The following CYTH3 variants were observed in gnomAD, a reference collection of about 807,000 sequenced individuals.
The protein encoded by CYTH3 is cytohesin-3.
CYTH3 carries 23 observed loss-of-function variants against 55.1 expected under a neutral mutation model. The ratio of observed to expected loss-of-function variants is 0.42; its 90% CI spans 0.30 to 0.59. The LOEUF is 0.59. Ranked by LOEUF, CYTH3 falls within the 20% of genes least tolerant of loss-of-function variation. The pLI, the probability that CYTH3 is intolerant of heterozygous loss-of-function variation, is 0.20. For synonymous variants in CYTH3, 249 were observed against 194.9 expected, an observed-to-expected ratio of 1.28 and a Z score of -2.31; for missense variants, 413 against 524.8, an observed-to-expected ratio of 0.79 and a Z score of 2.08.
At position 6,164,591 on chromosome 7, in the gene CYTH3, G is replaced by C; in HGVS notation, c.*353C>G. On this transcript the variant is annotated 3_prime_UTR_variant, in exon 13 of 13. Coordinates refer to ENST00000350796, the MANE Select transcript of CYTH3 (RefSeq NM_004227.4). ...CCGTCCCGTGTCTGCTGTGGAGACAGCGGAAGCTGCTGTCCTGGCTTCTCC... is the reference window on the plus strand; with the variant it reads ...CCGTCCCGTGTCTGCTGTGGAGACACCGGAAGCTGCTGTCCTGGCTTCTCC... The C allele has an allele frequency of 3.1e-6, 1 of 319,574 alleles. No homozygotes were observed. Among genetic ancestry groups the C allele is most frequent in the Non-Finnish European group, 5.9e-6 (1 of 169,300 alleles). 19.8% of individuals were successfully genotyped at this position (319,574 alleles called of 1,614,324 possible).
At chr7:6,234,411 G>A (rs189230726) in intron 1 of CYTH3, among the ~76,000 whole-genome samples, 1 of 152,206 alleles carries the variant, frequency 6.6e-6, no homozygotes, top group African/African-American at 2.4e-5. Flanking sequence ...GCCTATTGGA[G>A]GAAAAGGAGA....
intron 1 of CYTH3, among the ~76,000 whole-genome samples, chr7:6,270,531 A>G (rs1398910967): frequency 6.6e-6 from 1 of 152,222 alleles, no homozygotes; most frequent in Non-Finnish European, 1.5e-5. Flanking sequence ...AAAAGAAAAT[A>G]AAATAATCCA....
At chr7:6,198,608 G>C (rs1413463126) in intron 1 of CYTH3, among the ~76,000 whole-genome samples, 1 of 152,130 alleles carries the variant, frequency 6.6e-6, no homozygotes, top group Non-Finnish European at 1.5e-5. Flanking sequence ...TTGTTACTTG[G>C]ACTCTGTTAG....
At chr7:6,227,457 T>TA (rs934241513) in intron 1 of CYTH3, among the ~76,000 whole-genome samples, 26 of 152,066 alleles carry the variant, frequency 1.7e-4, no homozygotes, top group African/African-American at 4.8e-4. Context: ...CTTCCTGATT[T>TA]AAAAAAAATC....
chr7:6,233,238 CA>C (rs1234061776), intron 1 of CYTH3, among the ~76,000 whole-genome samples: 1 of 152,078 alleles, frequency 6.6e-6, no homozygotes, highest in African/African-American at 2.4e-5. Flanking sequence ...TCAGTGTGTC[CA>C]AAAAGGAATT....
chr7:6,165,295 CCTT>C lies in CYTH3; in HGVS notation c.1102_1104del (p.Lys368del), dbSNP rs759112712. 3 of 1,613,288 alleles carry C rather than the reference CCTT, an allele frequency of 1.9e-6. No homozygotes were observed. Among genetic ancestry groups the C allele is most frequent in the Non-Finnish European group, 1.7e-6 (2 of 1,179,752 alleles). ...CACTTGATGGATTTCATCCACTCCT[CCTT>C]CTCCTCCGGGCTCGGGGCTGAGATC... is the stretch of plus-strand genomic sequence containing the variant. On this transcript the variant is annotated inframe_deletion, in exon 12 of 13. Coordinates refer to ENST00000350796, the MANE Select transcript of CYTH3 (RefSeq NM_004227.4).
chr7:6,178,118 C>G (rs111907340), intron 4 of CYTH3, among the ~76,000 whole-genome samples, 177 bp from the exon 5 acceptor site: 1 of 152,178 alleles, frequency 6.6e-6, no homozygotes, highest in African/African-American at 2.4e-5. Flanking sequence ...ATTTTATCCA[C>G]CAAAGAAACG....
intron 1 of CYTH3, among the ~76,000 whole-genome samples, chr7:6,233,215 G>A (rs1779431543): frequency 6.6e-6 from 1 of 152,022 alleles, no homozygotes; most frequent in East Asian, 1.9e-4. Flanking sequence ...TCTCCAATAG[G>A]ACTGCAGATA....
Position 6,170,576 on chromosome 7 carries a change from G to A in CYTH3, c.782C>T (p.Thr261Ile). ...PEDDGNDLTH[T>I]FFNPDREGWL... ...GCCCTCGCGGTCGGGGTTGAAGAAG[G>A]TGTGGGTCAGGTCGTTCCCGTCGTC... Residue 261 changes from threonine (T) to isoleucine (I), a missense_variant, in exon 9 of 13, where the codon ACC becomes ATC. Physicochemically the swap from Thr to Ile is moderately conservative, Grantham distance 89. Around this residue, in one of 4 missense-constraint regions of CYTH3, gnomAD observed 156 missense variants for 233.1 expected, o/e 0.67. Transcript: ENST00000350796. The surrounding 1 kb of genome is among the most constrained non-coding windows in gnomAD (Gnocchi z 7.8). 6.2e-7 allele frequency: 1 copy of A among 1,614,040 alleles called. No individual in the cohort carries two copies. Among genetic ancestry groups the A allele is most frequent in the Non-Finnish European group, 8.5e-7 (1 of 1,179,904 alleles).
In CYTH3 at chr7:6,163,380, G is replaced by T; in HGVS notation, c.*1564C>A. 1 of 152,898 alleles carries T rather than the reference G, an allele frequency of 6.5e-6. No homozygotes were observed. 9.5% of individuals were successfully genotyped at this position (152,898 alleles called of 1,614,324 possible). A position where few individuals can be genotyped will look rare whatever the true frequency, so the allele number is the denominator to read the frequency against. On this transcript the variant is annotated 3_prime_UTR_variant, in exon 13 of 13. Coordinates refer to ENST00000350796, the MANE Select transcript of CYTH3 (RefSeq NM_004227.4). ...ATTCAAGGTGTGTGTGCCTATGCAG[G>T]TGGGGCAGGAAGAGGAAGTCCATAG...
chr7:6,183,242 C>G (rs1390897456), intron 4 of CYTH3, among the ~76,000 whole-genome samples: 2 of 152,236 alleles, frequency 1.3e-5, no homozygotes, highest in African/African-American at 4.8e-5. Flanking sequence ...TCGGGGAACT[C>G]TGAAGCTGCT....
chr7:6,215,214 C>T (rs1395621849), intron 1 of CYTH3, among the ~76,000 whole-genome samples: 3 of 152,182 alleles, frequency 2.0e-5, no homozygotes, highest in Non-Finnish European at 4.4e-5. Context: ...ATTCCCCCTG[C>T]TCTAGTGACC....
At chr7:6,264,332 C>A (rs188975113) in intron 1 of CYTH3, among the ~76,000 whole-genome samples, 56 of 152,324 alleles carry the variant, frequency 3.7e-4, no homozygotes, top group African/African-American at 1.3e-3. Context: ...ATATACCAGG[C>A]TGGGCACGGT....
chr7:6,220,131 A>G (rs1784520024), intron 1 of CYTH3, among the ~76,000 whole-genome samples: 1 of 152,052 alleles, frequency 6.6e-6, no homozygotes. Context: ...TCCTGACCTC[A>G]AGTGATCTGC....
intron 1 of CYTH3, among the ~76,000 whole-genome samples, chr7:6,246,285 G>C (rs1263531643): frequency 6.6e-6 from 1 of 151,222 alleles, no homozygotes; most frequent in African/African-American, 2.4e-5. Context: ...CCCCAGGCTG[G>C]TGGCGAACTC....
chr7:6,165,176 A>G (rs1304484613), intron 12 of CYTH3, 97 bp downstream of exon 12: 1 of 1,552,566 alleles, frequency 6.4e-7, no homozygotes, highest in African/African-American at 1.4e-5. Context: ...CAGAAGGTCC[A>G]CTCTTGCACA....
At chr7:6,183,297 G>C (rs1371418784) in intron 4 of CYTH3, among the ~76,000 whole-genome samples, 4 of 152,232 alleles carry the variant, frequency 2.6e-5, no homozygotes, top group African/African-American at 9.6e-5. Flanking sequence ...TGTGGGGAGT[G>C]TTTCCTTCTC....
In CYTH3 at chr7:6,165,238, G is replaced by C. The variant is rs76764492; in HGVS notation, c.1127+35C>G. 1.2e-3 allele frequency: 1,928 copies of C among 1,589,756 alleles called. 20 individuals are homozygous for C. In the African/African-American group the frequency reaches 0.024, roughly 19 times the overall value. ...CCCCGCCCTCCAACCGGCACGAGAA[G>C]ACGGGCCTGGCCCCGCCCCCGAGGC... On this transcript the variant is annotated intron_variant, in intron 12 of 12. Transcript: ENST00000350796.
intron 1 of CYTH3, among the ~76,000 whole-genome samples, chr7:6,229,427 C>T (rs1779330895): frequency 6.6e-6 from 1 of 152,048 alleles, no homozygotes; most frequent in African/African-American, 2.4e-5. Context: ...CAACAGTGGT[C>T]CACCGCCCAA....
Sources: gnomAD v4.1 joint callset for allele counts (sites outside exome capture counted in the v4.1 genomes callset) on GRCh38, gnomAD v4.1.1 for gene constraint, gnomAD v4.1.1 regional missense constraint, Gnocchi (gnomAD v3.1) non-coding constraint, MANE v1.5 for transcripts, NCBI Gene and HGNC (gene_info 2026-07-23, HGNC 2026-07-21) for gene names.